Variants in ZNF385D observed in about 807,000 individuals in gnomAD.
ZNF385D encodes zinc finger protein 385D.
In ZNF385D, 15 loss-of-function variants were observed where a neutral mutation model predicts 35.8. The observed-to-expected ratio is 0.42, with a 90% CI of 0.28 to 0.64. ZNF385D has a LOEUF of 0.64. Ranked by LOEUF, ZNF385D falls within the 30% of genes least tolerant of loss-of-function variation. The pLI is 0.23. For synonymous variants in ZNF385D, 212 were observed against 186.8 expected, an observed-to-expected ratio of 1.13 and a Z score of -1.10; for missense variants, 474 against 494.6, an observed-to-expected ratio of 0.96 and a Z score of 0.39.
intron 2 of ZNF385D, among the ~76,000 whole-genome samples, chr3:22,219,478 A>C (rs546731503): frequency 6.6e-6 from 1 of 152,258 alleles, no homozygotes; most frequent in South Asian, 2.1e-4. Flanking sequence ...AATTATCAGA[A>C]AGGTCATGCT....
intron 3 of ZNF385D, among the ~76,000 whole-genome samples, chr3:22,082,917 G>C (rs974912455): frequency 2.6e-5 from 4 of 152,188 alleles, no homozygotes; most frequent in African/African-American, 9.7e-5. Context: ...GCCTCTGCTG[G>C]TGATACCCAG....
chr3:22,072,331 T>C (rs1348371079), intron 3 of ZNF385D, among the ~76,000 whole-genome samples: 1 of 111,304 alleles, frequency 9.0e-6, no homozygotes, highest in Non-Finnish European at 1.8e-5. Flanking sequence ...AAGTTATTTG[T>C]GAACGGAAAA....
At chr3:21,550,291 A>C (rs957215040) in intron 3 of ZNF385D, among the ~76,000 whole-genome samples, 1 of 152,164 alleles carries the variant, frequency 6.6e-6, no homozygotes, top group African/African-American at 2.4e-5. Context: ...ATATTAAGAC[A>C]TGATTTTAAG....
intron 2 of ZNF385D, among the ~76,000 whole-genome samples, chr3:22,345,743 C>T (rs1460095887): frequency 6.6e-6 from 1 of 152,184 alleles, no homozygotes; most frequent in East Asian, 1.9e-4. Flanking sequence ...GTGCTACTGG[C>T]TGATACATTC....
At chr3:21,741,835 T>C (rs2069530546) in intron 1 of ZNF385D, among the ~76,000 whole-genome samples, 1 of 152,052 alleles carries the variant, frequency 6.6e-6, no homozygotes. Context: ...AATCTCAGGG[T>C]TCCTGCCCTG....
intron 2 of ZNF385D, among the ~76,000 whole-genome samples, chr3:22,267,928 A>T (rs1700978538): frequency 6.6e-6 from 1 of 151,972 alleles, no homozygotes; most frequent in Admixed American, 6.6e-5. Flanking sequence ...AAAAACAAAA[A>T]GCAAACCCCA....
chr3:21,643,556 A>G (rs1233772572), intron 2 of ZNF385D, among the ~76,000 whole-genome samples: 1 of 152,116 alleles, frequency 6.6e-6, no homozygotes, highest in Admixed American at 6.6e-5. Flanking sequence ...GTCTGAGTCA[A>G]TCTCACAGAA....
intron 2 of ZNF385D, among the ~76,000 whole-genome samples, chr3:22,268,806 C>A (rs188742446): frequency 7.1e-4 from 108 of 152,038 alleles, no homozygotes; most frequent in Non-Finnish European, 1.3e-3. Context: ...AGAACCCATG[C>A]ATTTTTACTT....
In ZNF385D at chr3:21,659,517, C is replaced by G. The variant is rs76595531; in HGVS notation, c.165+5369G>C. Among the ~76,000 whole-genome samples the G allele has an allele frequency of 3.1e-3, 472 of 152,144 alleles. 2 individuals are homozygous for G. Among genetic ancestry groups the G allele is most frequent in the African/African-American group, 0.011 (457 of 41,534 alleles). ...AGCGTTCAATAAATGGCTGCTGTAA[C>G]CAGAGTCCTGAGCAATGTCATACAA... is the stretch of plus-strand genomic sequence containing the variant. On this transcript the variant is annotated intron_variant, in intron 2 of 7. Transcript: ENST00000281523.
At chr3:22,218,421 T>C (rs1698030988) in intron 2 of ZNF385D, among the ~76,000 whole-genome samples, 1 of 151,996 alleles carries the variant, frequency 6.6e-6, no homozygotes, top group South Asian at 2.1e-4. Context: ...ATTATAATAA[T>C]TTATTTGAAG....
chr3:21,677,639 G>A (rs1054961271), intron 1 of ZNF385D, among the ~76,000 whole-genome samples: 1 of 151,952 alleles, frequency 6.6e-6, no homozygotes, highest in African/African-American at 2.4e-5. Flanking sequence ...TAATGAAATT[G>A]TATTCTGCTA....
chr3:21,864,846 A>C (rs1697249693), intron 3 of ZNF385D, among the ~76,000 whole-genome samples: 1 of 151,942 alleles, frequency 6.6e-6, no homozygotes, highest in Non-Finnish European at 1.5e-5. Flanking sequence ...TTATTATTCC[A>C]ATAACTCAGA....
intron 3 of ZNF385D, among the ~76,000 whole-genome samples, chr3:21,935,091 G>A (rs1701194501): frequency 6.6e-6 from 1 of 152,052 alleles, no homozygotes; most frequent in African/African-American, 2.4e-5. Flanking sequence ...TGCCTAATAA[G>A]TCTCCTTTAT....
At chr3:22,354,615 C>T (rs567556784) in intron 2 of ZNF385D, among the ~76,000 whole-genome samples, 25 of 151,542 alleles carry the variant, frequency 1.6e-4, no homozygotes, top group Non-Finnish European at 3.7e-4. Flanking sequence ...ATTTAGTTAC[C>T]ATGGTTTTAA....
chr3:22,271,843 T>C (rs1423977880), intron 2 of ZNF385D, among the ~76,000 whole-genome samples: 1 of 152,042 alleles, frequency 6.6e-6, no homozygotes, highest in Non-Finnish European at 1.5e-5. Flanking sequence ...AGATGGTCCC[T>C]GGCTTACAAT....
At position 21,770,448 on chromosome 3, in the gene ZNF385D, C is replaced by G. The variant is rs540304495; in HGVS notation, c.326-105420G>C. ...GCAAAGTATATGAACAGACACTTCT[C>G]AAAAGAAGACATTTATGCAGCCAAA... On this transcript the variant is annotated intron_variant, in intron 3 of 5. Transcript: ENST00000494108. 5.9e-5 allele frequency among the ~76,000 whole-genome samples: 9 copies of G among 152,266 alleles called. No homozygotes were observed. The South Asian group carries it at 1.9e-3, about 32-fold the overall frequency.
At chr3:22,349,247 T>A (rs1695805643) in intron 2 of ZNF385D, among the ~76,000 whole-genome samples, 1 of 152,170 alleles carries the variant, frequency 6.6e-6, no homozygotes, top group East Asian at 1.9e-4. Context: ...CATGTTTGGC[T>A]GAATAGTAGC....
At chr3:22,177,088 G>A (rs1313028513) in intron 2 of ZNF385D, among the ~76,000 whole-genome samples, 1 of 152,022 alleles carries the variant, frequency 6.6e-6, no homozygotes, top group Admixed American at 6.6e-5. Context: ...CATGCCATCA[G>A]GGCCTCCTTG....
chr3:22,008,909 C>T (rs1696388081), intron 3 of ZNF385D, among the ~76,000 whole-genome samples: 1 of 152,060 alleles, frequency 6.6e-6, no homozygotes, highest in East Asian at 1.9e-4. Context: ...TAATGAGAGG[C>T]ATGTCTAACA....
Sources: gnomAD v4.1 joint callset for allele counts (sites outside exome capture counted in the v4.1 genomes callset) on GRCh38, gnomAD v4.1.1 for gene constraint, MANE v1.5 for transcripts, NCBI Gene and HGNC (gene_info 2026-07-23, HGNC 2026-07-21) for gene names.